PRTG: variants seen among roughly 807,000 people sequenced by gnomAD.
PRTG encodes immunoglobulin superfamily, DCC subclass, member 5.
A neutral mutation model predicts 122.5 loss-of-function variants in PRTG; 67 were observed. The ratio of observed to expected loss-of-function variants is 0.55; its 90% CI spans 0.45 to 0.67. PRTG has a LOEUF of 0.67. PRTG is among the 30% of genes least tolerant of loss of function. The pLI is 0.00. For missense variants in PRTG, 1,435 were observed against 1,415.4 expected (o/e 1.01, Z -0.22); for synonymous variants, 554 against 501.1 (o/e 1.11, Z -1.41).
rs1015750952 is a variant in PRTG at position 55,617,887 on chromosome 15, C to G, written c.*2125G>C. On this transcript the variant is annotated 3_prime_UTR_variant, in exon 20 of 20. Coordinates refer to ENST00000389286, the MANE Select transcript of PRTG (RefSeq NM_173814.6). ...AATTTTAGATACTGATAAAAGTTGG[C>G]CCTATATACTTCTACTTACCAACCA... The G allele has an allele frequency of 1.3e-5, 2 of 152,078 alleles. No individual in the cohort carries two copies. The highest frequency in any genetic ancestry group is 4.8e-5 in the African/African-American group (2 of 41,406). The allele number at this position is 152,078 out of a possible 1,614,324, so 9.4% of individuals were successfully genotyped here. A position where few individuals can be genotyped will look rare whatever the true frequency, so the allele number is the denominator to read the frequency against.
Position 55,611,709 on chromosome 15 carries a change from T to A in PRTG, c.*8303A>T, listed in dbSNP as rs2059121073. ...GGTGGGGGCAAGTACTAAGCAATATTTACTATGATACTAGAAAAAAAAAAA... is the reference window on the plus strand; with the variant it reads ...GGTGGGGGCAAGTACTAAGCAATATATACTATGATACTAGAAAAAAAAAAA... On this transcript the variant is annotated 3_prime_UTR_variant, in exon 20 of 20. Transcript: ENST00000389286. 6.6e-6 allele frequency: 1 copy of A among 151,936 alleles called. No homozygotes were observed. Among genetic ancestry groups the A allele is most frequent in the Non-Finnish European group, 1.5e-5 (1 of 67,952 alleles). 9.4% of individuals were successfully genotyped at this position (151,936 alleles called of 1,614,324 possible). A position where few individuals can be genotyped will look rare whatever the true frequency, so the allele number is the denominator to read the frequency against.
chr15:55,670,728 C>T (rs2059464683), intron 11 of PRTG, among the ~76,000 whole-genome samples: 1 of 152,040 alleles, frequency 6.6e-6, no homozygotes, highest in African/African-American at 2.4e-5. Flanking sequence ...TGGAGAAACC[C>T]CCGTCTCTGC....
chr15:55,708,866 C>T (rs1476196437), intron 2 of PRTG, among the ~76,000 whole-genome samples: 2 of 151,662 alleles, frequency 1.3e-5, no homozygotes, highest in East Asian at 1.9e-4. Context: ...TTTTTGAGGC[C>T]GGGTGCAGTG....
chr15:55,649,845 T>C (rs1428023737), intron 11 of PRTG, among the ~76,000 whole-genome samples: 1 of 151,916 alleles, frequency 6.6e-6, no homozygotes, highest in Non-Finnish European at 1.5e-5. Flanking sequence ...ATAATATAAT[T>C]GCTATTAGCA....
At chr15:55,620,626 C>T (rs562012149) in intron 19 of PRTG, 37 bp downstream of exon 19, 60 of 1,557,482 alleles carry the variant, frequency 3.9e-5, no homozygotes, top group South Asian at 3.6e-5. Context: ...TCATATATCA[C>T]GCATTGCCAA....
chr15:55,720,373 A>G (rs1203408085), intron 2 of PRTG, among the ~76,000 whole-genome samples: 2 of 152,132 alleles, frequency 1.3e-5, no homozygotes, highest in African/African-American at 4.8e-5. Context: ...ACAAAACAAA[A>G]CAAAATAAAA....
At chr15:55,734,865 T>C (rs1595686389) in intron 2 of PRTG, among the ~76,000 whole-genome samples, 1 of 152,220 alleles carries the variant, frequency 6.6e-6, no homozygotes, top group African/African-American at 2.4e-5. Flanking sequence ...AGCAGTTCAC[T>C]TGGCTTCAGA....
intron 11 of PRTG, among the ~76,000 whole-genome samples, chr15:55,659,979 C>G (rs1175170026): frequency 1.3e-5 from 2 of 148,320 alleles, no homozygotes; most frequent in East Asian, 2.0e-4. Context: ...TTTTTTAGAA[C>G]AGTGGTTTCC....
chr15:55,645,100 T>C (rs1367301765), intron 11 of PRTG, among the ~76,000 whole-genome samples: 2 of 152,154 alleles, frequency 1.3e-5, no homozygotes, highest in East Asian at 1.9e-4. Flanking sequence ...TTCATTCTTG[T>C]TCATTAATTT....
chr15:55,639,680 A>C lies in PRTG; in HGVS notation c.2286T>G (p.Val762=). 6.2e-7 allele frequency: 1 copy of C among 1,614,132 alleles called. No homozygotes were observed. Among genetic ancestry groups the C allele is most frequent in the Non-Finnish European group, 8.5e-7 (1 of 1,180,016 alleles). ...GAACCAAAGAAGCATTCTGCAGGCC[A>C]ACAGGATTACAGCGGATGGTGTAGT... ...IINYTIRCNP[V]GLQNASLVLY... The change falls in exon 13 of 20, where the codon GTT becomes GTG. Residue 762 remains valine, a synonymous_variant. Transcript: ENST00000389286.
intron 2 of PRTG, among the ~76,000 whole-genome samples, chr15:55,702,655 T>C (rs932920482): frequency 6.6e-6 from 1 of 152,214 alleles, no homozygotes; most frequent in Admixed American, 6.5e-5. Context: ...TATGTTCCAG[T>C]TCTAACTATT....
rs761210588 is a variant in PRTG, at chr15:55,740,668, G to A, written c.111C>T (p.Ser37=). 6.8e-6 allele frequency: 11 copies of A among 1,612,678 alleles called. No homozygotes were observed. The highest frequency in any genetic ancestry group is 1.7e-4 in the Middle Eastern group (1 of 6,052). The change falls in exon 2 of 20, where the codon AGC becomes AGT. Residue 37 remains serine, a synonymous_variant. Transcript: ENST00000389286. ...GTGGTTCTTTTACAAAAGACAGTTC[G>A]CTAAAGCACCACACTCCTATAAGGA... The part of the protein sequence containing the change: ...LSPLPGVWCF[S]ELSFVKEPQD...
intron 2 of PRTG, among the ~76,000 whole-genome samples, chr15:55,704,481 T>C (rs1328702601): frequency 2.6e-5 from 4 of 152,190 alleles, no homozygotes; most frequent in Non-Finnish European, 5.9e-5. Context: ...ATTCAAGAGA[T>C]ACAGTATATT....
In PRTG at chr15:55,743,074, T is replaced by C. The variant is rs2031673101; in HGVS notation, c.-143A>G. The C allele has an allele frequency of 1.5e-6, 2 of 1,293,260 alleles. No homozygotes were observed. The highest frequency in any genetic ancestry group is 2.0e-6 in the Non-Finnish European group (2 of 1,025,318). The allele number at this position is 1,293,260 out of a possible 1,614,324, so 80.1% of individuals were successfully genotyped here. ...GGCTCCGGCACCGGCGTGGCGAGCG[T>C]CTCTGCGGCGGCGAGGCTGGTGCTC... On this transcript the variant is annotated 5_prime_UTR_variant, in exon 1 of 20. Transcript: ENST00000389286.
At chr15:55,686,126 A>G (rs1176644098) in intron 2 of PRTG, among the ~76,000 whole-genome samples, 1 of 152,204 alleles carries the variant, frequency 6.6e-6, no homozygotes, top group Non-Finnish European at 1.5e-5. Flanking sequence ...CTCAATAATC[A>G]GGTAAGTTTG....
intron 3 of PRTG, among the ~76,000 whole-genome samples, chr15:55,683,071 C>T (rs986752257): frequency 3.3e-5 from 5 of 152,132 alleles, no homozygotes; most frequent in African/African-American, 1.2e-4. Flanking sequence ...TCTCATTTGA[C>T]ATTCTAGCAT....
At chr15:55,691,999 T>A (rs1206502569) in intron 2 of PRTG, among the ~76,000 whole-genome samples, 1 of 151,898 alleles carries the variant, frequency 6.6e-6, no homozygotes, top group Non-Finnish European at 1.5e-5. Context: ...ATCACACCAC[T>A]GCACTCCAGC....
intron 2 of PRTG, among the ~76,000 whole-genome samples, chr15:55,723,371 T>C (rs2030900388): frequency 1.6e-5 from 2 of 121,576 alleles, no homozygotes; most frequent in African/African-American, 3.2e-5. Flanking sequence ...ACAGAAACCA[T>C]AAGGGAAGAC....
intron 17 of PRTG, among the ~76,000 whole-genome samples, chr15:55,625,911 T>C (rs936310573): frequency 7.9e-5 from 12 of 151,706 alleles, no homozygotes; most frequent in Admixed American, 2.6e-4. Flanking sequence ...GCGTGAACCA[T>C]TGCACCCGGC....
Sources: gnomAD v4.1 joint callset for allele counts (sites outside exome capture counted in the v4.1 genomes callset) on GRCh38, gnomAD v4.1.1 for gene constraint, MANE v1.5 for transcripts, NCBI Gene and HGNC (gene_info 2026-07-23, HGNC 2026-07-21) for gene names.